DRD5: variants seen among roughly 807,000 people sequenced by gnomAD.
DRD5 encodes dopamine receptor D5.
For missense variants in DRD5, 758 were observed against 657.8 expected (o/e 1.15, Z -1.67); for synonymous variants, 327 against 277.1 (o/e 1.18, Z -1.79).
Position 9,783,451 on chromosome 4 carries a change from T to A in DRD5, c.1422T>A (p.Asn474Lys). ...ACAAAATAACACCTTTCACCCCGAA[T>A]GGATTCCATTAAACTGCATTAAGAA... ...SLDKITPFTPNGFH is the reference protein window; with the variant it reads ...SLDKITPFTPKGFH Residue 474 changes from asparagine (N) to lysine (K), a missense_variant, in exon 1 of 1, where the codon AAT (asparagine) becomes AAA (lysine). By Grantham distance (94) the Asn-to-Lys change is moderately conservative. Coordinates refer to ENST00000304374, the MANE Select transcript of DRD5 (RefSeq NM_000798.5). The A allele has an allele frequency of 6.2e-7, 1 of 1,607,568 alleles. No individual in the cohort carries two copies. The highest frequency in any genetic ancestry group is 8.5e-7 in the Non-Finnish European group (1 of 1,176,006).
At position 9,782,397 on chromosome 4, in the gene DRD5, G is replaced by A. The variant is rs749213890; in HGVS notation, c.368G>A (p.Cys123Tyr). 4.3e-6 allele frequency: 7 copies of A among 1,613,924 alleles called. No individual in the cohort carries two copies. The Admixed American group carries it at 1.0e-4, about 23-fold the overall frequency. The change falls in exon 1 of 1, where the codon TGC becomes TAC. Residue 123 changes from cysteine (C) to tyrosine (Y), a missense_variant. Cys to Tyr is a radical substitution (Grantham distance 194, BLOSUM62 -2). Coordinates refer to ENST00000304374, the MANE Select transcript of DRD5 (RefSeq NM_000798.5). Reference protein sequence around the residue: ...CDVWVAFDIMCSTASILNLCV... With the variant: ...CDVWVAFDIMYSTASILNLCV... Reference sequence around the variant, plus strand: ...GTCTGGGTGGCCTTCGACATCATGTGCTCCACTGCCTCCATCCTGAACCTG... The same window carrying A: ...GTCTGGGTGGCCTTCGACATCATGTACTCCACTGCCTCCATCCTGAACCTG...
chr4:9,783,098 G>C lies in DRD5; in HGVS notation c.1069G>C (p.Val357Leu), dbSNP rs771520336. 9 of 1,614,054 alleles carry C rather than the reference G, an allele frequency of 5.6e-6. No homozygotes were observed. The highest frequency in any genetic ancestry group is 1.7e-5 in the Admixed American group (1 of 60,008). Residue 357 changes from valine to leucine, a missense_variant, in exon 1 of 1, where the codon GTC (valine) becomes CTC (leucine). Val to Leu is a conservative substitution (Grantham distance 32). Transcript: ENST00000304374. ...CTGGGCTAACTCCTCACTCAACCCC[G>C]TCATCTATGCCTTCAACGCCGACTT... ...FGWANSSLNP[V>L]IYAFNADFQK... is the part of the protein sequence containing the mutation.
rs954785080 is a variant in DRD5, at chr4:9,783,567, A to G, written c.*104A>G. 8.9e-7 allele frequency: 1 copy of G among 1,120,802 alleles called. No individual in the cohort carries two copies. Among genetic ancestry groups the G allele is most frequent in the African/African-American group, 1.6e-5 (1 of 63,628 alleles). 69.4% of individuals were successfully genotyped at this position (1,120,802 alleles called of 1,614,324 possible). A position where few individuals can be genotyped will look rare whatever the true frequency, so the allele number is the denominator to read the frequency against. On this transcript the variant is annotated 3_prime_UTR_variant, in exon 1 of 1. Transcript: ENST00000304374. ...CCTTTCCAGTGCTGCTCCCTTTATC[A>G]TGTGTTTCTGTGTAGTAGCTCGTGT...
rs1718469184 is a variant in DRD5 at position 9,782,015 on chromosome 4, G to A, written c.-15G>A. 2.1e-6 allele frequency: 3 copies of A among 1,449,140 alleles called. No homozygotes were observed. The highest frequency in any genetic ancestry group is 2.9e-5 in the African/African-American group (2 of 69,968). 89.8% of individuals were successfully genotyped at this position (1,449,140 alleles called of 1,614,324 possible). A position where few individuals can be genotyped will look rare whatever the true frequency, so the allele number is the denominator to read the frequency against. ...TTGGGACCGCGCACAGACCGCCCCT[G>A]CAGTCCAGCCCGAAATGCTGCCGCC... On this transcript the variant is annotated 5_prime_UTR_variant, in exon 1 of 1. Transcript: ENST00000304374.
At position 9,782,098 on chromosome 4, in the gene DRD5, G is replaced by C. The variant is rs753644106; in HGVS notation, c.69G>C (p.Gln23His). 13 of 1,533,310 alleles carry C rather than the reference G, an allele frequency of 8.5e-6. No individual in the cohort carries two copies. The East Asian group carries it at 3.0e-4, about 35-fold the overall frequency. The allele number at this position is 1,533,310 out of a possible 1,614,324, so 95.0% of individuals were successfully genotyped here. A position where few individuals can be genotyped will look rare whatever the true frequency, so the allele number is the denominator to read the frequency against. The part of the protein sequence containing the change: ...GQFALYQQLA[Q>H]GNAVGGSAGA... The stretch of plus-strand genomic sequence containing the variant: ...TCGCTCTATACCAGCAGCTGGCGCA[G>C]GGGAACGCCGTGGGGGGCTCGGCGG... Residue 23 changes from glutamine (Q) to histidine (H), a missense_variant, in exon 1 of 1, where the codon CAG becomes CAC. Transcript: ENST00000304374.
rs1262869233 is a variant in DRD5 at position 9,783,478 on chromosome 4, C to T, written c.*15C>T. On this transcript the variant is annotated 3_prime_UTR_variant, in exon 1 of 1. Coordinates refer to ENST00000304374, the MANE Select transcript of DRD5 (RefSeq NM_000798.5). ...GATTCCATTAAACTGCATTAAGAAA[C>T]CCCCTCATGGATCTGCATAACCGCA... 1.9e-6 allele frequency: 3 copies of T among 1,583,428 alleles called. No homozygotes were observed. Among genetic ancestry groups the T allele is most frequent in the African/African-American group, 1.3e-5 (1 of 74,220 alleles).
chr4:9,782,647 C>G lies in DRD5; in HGVS notation c.618C>G (p.Asp206Glu). Reference sequence around the variant, plus strand: ...CCAACTGGACGCCCTGGGAGGAGGACTTTTGGGAGCCCGACGTGAATGCAG... The same window carrying G: ...CCAACTGGACGCCCTGGGAGGAGGAGTTTTGGGAGCCCGACGTGAATGCAG... ...NLANWTPWEE[D>E]FWEPDVNAEN... Residue 206 changes from aspartate to glutamate, a missense_variant, in exon 1 of 1, where the codon GAC becomes GAG. Transcript: ENST00000304374. The G allele has an allele frequency of 6.2e-7, 1 of 1,614,040 alleles. No individual in the cohort carries two copies. Among genetic ancestry groups the G allele is most frequent in the South Asian group, 1.1e-5 (1 of 91,082 alleles).
chr4:9,782,863 C>T lies in DRD5; in HGVS notation c.834C>T (p.Cys278=), dbSNP rs139837734. 1.2e-6 allele frequency: 2 copies of T among 1,611,710 alleles called. No individual in the cohort carries two copies. Among genetic ancestry groups the T allele is most frequent in the Middle Eastern group, 1.7e-4 (1 of 5,932 alleles). Residue 278 remains cysteine (C), a synonymous_variant, in exon 1 of 1, where the codon TGC becomes TGT. Coordinates refer to ENST00000304374, the MANE Select transcript of DRD5 (RefSeq NM_000798.5). ...HAQSCRSSAA[C]APDTSLRASI... is the part of the protein sequence containing the mutation. ...AGAGCTGCCGGAGCAGCGCAGCCTG[C>T]GCGCCCGACACCAGCCTGCGCGCTT...
rs796966952 is a variant in DRD5, at chr4:9,781,741, C to G, written c.-289C>G. On this transcript the variant is annotated 5_prime_UTR_variant, in exon 1 of 1. Coordinates refer to ENST00000304374, the MANE Select transcript of DRD5 (RefSeq NM_000798.5). Reference sequence around the variant, plus strand: ...GCCGCTGCCGCTGCCGTCCGGCGCGCTACAGACTCCCGAGAACAGCCCTGG... The same window carrying G: ...GCCGCTGCCGCTGCCGTCCGGCGCGGTACAGACTCCCGAGAACAGCCCTGG... 1 of 359,092 alleles carries G rather than the reference C, an allele frequency of 2.8e-6. No homozygotes were observed. Among genetic ancestry groups the G allele is most frequent in the Non-Finnish European group, 5.0e-6 (1 of 201,636 alleles). The allele number at this position is 359,092 out of a possible 1,614,324, so 22.2% of individuals were successfully genotyped here.
rs2227844 is a variant in DRD5, at chr4:9,782,926, G to C, written c.897G>C (p.Ser299=). 1.2e-6 allele frequency: 2 copies of C among 1,613,948 alleles called. No individual in the cohort carries two copies. Among genetic ancestry groups the C allele is most frequent in the East Asian group, 4.5e-5 (2 of 44,866 alleles). ...KKETKVLKTL[S]VIMGVFVCCW... ...AGACCAAGGTTCTCAAGACCCTGTC[G>C]GTGATCATGGGGGTCTTCGTGTGTT... Residue 299 remains serine, a synonymous_variant, in exon 1 of 1, where the codon TCG becomes TCC. Transcript: ENST00000304374.
chr4:9,783,626 G>A lies in DRD5; in HGVS notation c.*163G>A, dbSNP rs1718829677. On this transcript the variant is annotated 3_prime_UTR_variant, in exon 1 of 1. Coordinates refer to ENST00000304374, the MANE Select transcript of DRD5 (RefSeq NM_000798.5). ...ACCTCACCCCATTGATTGGTAGTTC[G>A]AAGAATTGGCAGAAGCAGTTGCAAT... is the stretch of plus-strand genomic sequence containing the variant. 3 of 708,436 alleles carry A rather than the reference G, an allele frequency of 4.2e-6. No individual in the cohort carries two copies. The highest frequency in any genetic ancestry group is 1.8e-5 in the African/African-American group (1 of 55,484). 43.9% of individuals were successfully genotyped at this position (708,436 alleles called of 1,614,324 possible). A position where few individuals can be genotyped will look rare whatever the true frequency, so the allele number is the denominator to read the frequency against.
chr4:9,782,785 C>T lies in DRD5; in HGVS notation c.756C>T (p.Ala252=). ...CCTACACGCGCATCTACCGCATCGC[C>T]CAGGTGCAGATCCGCAGGATTTCCT... The part of the protein sequence containing the change: ...IVTYTRIYRI[A]QVQIRRISSL... The change falls in exon 1 of 1, where the codon GCC becomes GCT. Residue 252 remains alanine, a synonymous_variant. Transcript: ENST00000304374. 6.2e-7 allele frequency: 1 copy of T among 1,613,994 alleles called. No individual in the cohort carries two copies. Among genetic ancestry groups the T allele is most frequent in the East Asian group, 2.2e-5 (1 of 44,872 alleles).
Position 9,781,753 on chromosome 4 carries a change from G to A in DRD5, c.-277G>A. ...GCCGTCCGGCGCGCTACAGACTCCC[G>A]AGAACAGCCCTGGCTGTCAGCGAGC... On this transcript the variant is annotated 5_prime_UTR_variant, in exon 1 of 1. Transcript: ENST00000304374. 2.6e-6 allele frequency: 1 copy of A among 377,658 alleles called. No individual in the cohort carries two copies. Among genetic ancestry groups the A allele is most frequent in the Non-Finnish European group, 4.7e-6 (1 of 213,910 alleles). The allele number at this position is 377,658 out of a possible 1,614,324, so 23.4% of individuals were successfully genotyped here.
Position 9,782,025 on chromosome 4 carries a change from C to T in DRD5, c.-5C>T, listed in dbSNP as rs200812406. The T allele has an allele frequency of 7.5e-6, 11 of 1,458,926 alleles. No individual in the cohort carries two copies. Among genetic ancestry groups the T allele is most frequent in the East Asian group, 4.9e-5 (2 of 40,860 alleles). The allele number at this position is 1,458,926 out of a possible 1,614,324, so 90.4% of individuals were successfully genotyped here. On this transcript the variant is annotated 5_prime_UTR_variant, in exon 1 of 1. Coordinates refer to ENST00000304374, the MANE Select transcript of DRD5 (RefSeq NM_000798.5). ...GCACAGACCGCCCCTGCAGTCCAGC[C>T]CGAAATGCTGCCGCCAGGCAGCAAC...
At position 9,783,159 on chromosome 4, in the gene DRD5, A is replaced by G. The variant is rs1374450589; in HGVS notation, c.1130A>G (p.His377Arg). 1 of 1,614,030 alleles carries G rather than the reference A, an allele frequency of 6.2e-7. No homozygotes were observed. Among genetic ancestry groups the G allele is most frequent in the African/African-American group, 1.3e-5 (1 of 74,928 alleles). ...TTTGCCCAGCTGCTGGGGTGCAGCC[A>G]CTTCTGCTCCCGCACGCCGGTGGAG... ...KVFAQLLGCS[H>R]FCSRTPVETV... The change falls in exon 1 of 1, where the codon CAC (histidine) becomes CGC (arginine). Residue 377 changes from histidine (H) to arginine (R), a missense_variant. By Grantham distance (29) the His-to-Arg change is conservative. Coordinates refer to ENST00000304374, the MANE Select transcript of DRD5 (RefSeq NM_000798.5).
chr4:9,782,950 T>C lies in DRD5; in HGVS notation c.921T>C (p.Cys307=). The C allele has an allele frequency of 6.2e-7, 1 of 1,613,920 alleles. No homozygotes were observed. ...CGGTGATCATGGGGGTCTTCGTGTG[T>C]TGCTGGCTGCCCTTCTTCATCCTTA... The part of the protein sequence containing the change: ...TLSVIMGVFV[C]CWLPFFILNC... The change falls in exon 1 of 1, where the codon TGT becomes TGC. Residue 307 remains cysteine (C), a synonymous_variant. Transcript: ENST00000304374.
Position 9,782,783 on chromosome 4 carries a change from G to T in DRD5, c.754G>T (p.Ala252Ser), listed in dbSNP as rs750183500. ...GACCTACACGCGCATCTACCGCATC[G>T]CCCAGGTGCAGATCCGCAGGATTTC... The part of the protein sequence containing the change: ...IVTYTRIYRI[A>S]QVQIRRISSL... The change falls in exon 1 of 1, where the codon GCC becomes TCC. Residue 252 changes from alanine to serine, a missense_variant. By Grantham distance (99) the Ala-to-Ser change is moderately conservative. Coordinates refer to ENST00000304374, the MANE Select transcript of DRD5 (RefSeq NM_000798.5). 1.2e-6 allele frequency: 2 copies of T among 1,613,946 alleles called. No homozygotes were observed. Among genetic ancestry groups the T allele is most frequent in the Non-Finnish European group, 1.7e-6 (2 of 1,179,842 alleles).
chr4:9,783,082 C>G lies in DRD5; in HGVS notation c.1053C>G (p.Asn351Lys), dbSNP rs1335321633. 6.2e-7 allele frequency: 1 copy of G among 1,614,100 alleles called. No individual in the cohort carries two copies. Among genetic ancestry groups the G allele is most frequent in the Non-Finnish European group, 8.5e-7 (1 of 1,180,054 alleles). Residue 351 changes from asparagine to lysine, a missense_variant, in exon 1 of 1, where the codon AAC (asparagine) becomes AAG (lysine). By Grantham distance (94) the Asn-to-Lys change is moderately conservative. Transcript: ENST00000304374. ...TCTTCGTCTGGTTCGGCTGGGCTAA[C>G]TCCTCACTCAACCCCGTCATCTATG... The part of the protein sequence containing the change: ...FDVFVWFGWA[N>K]SSLNPVIYAF...
Position 9,783,168 on chromosome 4 carries a change from C to G in DRD5, c.1139C>G (p.Ser380Cys). The G allele has an allele frequency of 1.2e-6, 2 of 1,614,232 alleles. No individual in the cohort carries two copies. Among genetic ancestry groups the G allele is most frequent in the Non-Finnish European group, 1.7e-6 (2 of 1,180,044 alleles). ...AQLLGCSHFC[S>C]RTPVETVNIS... ...CTGCTGGGGTGCAGCCACTTCTGCT[C>G]CCGCACGCCGGTGGAGACGGTGAAC... Residue 380 changes from serine to cysteine, a missense_variant, in exon 1 of 1, where the codon TCC becomes TGC. Transcript: ENST00000304374.
Sources: gnomAD v4.1 joint callset for allele counts on GRCh38, gnomAD v4.1.1 for gene constraint, MANE v1.5 for transcripts, NCBI Gene and HGNC (gene_info 2026-07-23, HGNC 2026-07-21) for gene names.